The following GRIA4 variants were observed in gnomAD, a reference collection of about 807,000 sequenced individuals.
The protein encoded by GRIA4 is glutamate ionotropic receptor AMPA type subunit 4.
Under a neutral mutation model 104.0 loss-of-function variants are expected in GRIA4, and 34 were observed. That is an observed-to-expected ratio of 0.33 (90% CI 0.25 to 0.44). The LOEUF is 0.44. GRIA4 is among the 20% of genes least tolerant of loss of function. The pLI is 1.00. For missense variants in GRIA4, 750 were observed against 1,096.5 expected (o/e 0.68, Z 4.46); for synonymous variants, 386 against 381.9 (o/e 1.01, Z -0.13).
rs111732627 is a variant in GRIA4, at chr11:105,773,154, T to C, written c.487+19934T>C. ...TTTTTTTAAAAAATTATTGACTTTA[T>C]ACATTAAATGTGCTTTTCTCCGTGT... On this transcript the variant is annotated intron_variant, in intron 4 of 16. Coordinates refer to ENST00000282499, the MANE Select transcript of GRIA4 (RefSeq NM_000829.4). Among the ~76,000 whole-genome samples the C allele has an allele frequency of 9.9e-3, 1,507 of 152,264 alleles. 31 individuals are homozygous for C. The highest frequency in any genetic ancestry group is 0.035 in the African/African-American group (1,445 of 41,556).
At chr11:105,976,920 GAA>G (rs1859010151) in intron 16 of GRIA4, among the ~76,000 whole-genome samples, 1 of 151,902 alleles carries the variant, frequency 6.6e-6, no homozygotes, top group African/African-American at 2.4e-5. Context: ...CAGATTTAAA[GAA>G]AAATAAGTCA....
chr11:105,633,096 A>G (rs1194255553), intron 3 of GRIA4, among the ~76,000 whole-genome samples: 2 of 152,182 alleles, frequency 1.3e-5, no homozygotes, highest in Non-Finnish European at 2.9e-5. Context: ...ATAGTGTGTT[A>G]TGTTTTATTT....
intron 14 of GRIA4, among the ~76,000 whole-genome samples, chr11:105,953,242 GC>G (rs1948500389): frequency 6.6e-6 from 1 of 152,172 alleles, no homozygotes; most frequent in Non-Finnish European, 1.5e-5. Flanking sequence ...TCATTTGACA[GC>G]CTATTGATTC....
intron 1 of GRIA4, 136 bp from the exon 2 acceptor site, chr11:105,610,771 GA>G: frequency 2.0e-6 from 1 of 505,140 alleles, no homozygotes; most frequent in Non-Finnish European, 3.5e-6. Flanking sequence ...GAGACTGCGG[GA>G]AAAATCTGGC....
At chr11:105,805,498 A>T (rs1942915933) in intron 4 of GRIA4, among the ~76,000 whole-genome samples, 1 of 144,072 alleles carries the variant, frequency 6.9e-6, no homozygotes. Context: ...AAAAAAAAAC[A>T]AGCCACAAAA....
At chr11:105,825,535 G>C (rs1943738415) in intron 4 of GRIA4, among the ~76,000 whole-genome samples, 1 of 152,054 alleles carries the variant, frequency 6.6e-6, no homozygotes. Context: ...CCCCAAAATA[G>C]AGACATTAGG....
chr11:105,794,510 T>TATATATAC (rs1555010377), intron 4 of GRIA4, among the ~76,000 whole-genome samples: 14 of 121,644 alleles, frequency 1.2e-4, no homozygotes, highest in South Asian at 1.1e-3. Context: ...TATATATATA[T>TATATATAC]ATACATATAC....
At chr11:105,888,414 G>A (rs529670001) in intron 6 of GRIA4, among the ~76,000 whole-genome samples, 1 of 148,076 alleles carries the variant, frequency 6.8e-6, no homozygotes, top group Non-Finnish European at 1.5e-5. Flanking sequence ...CTCCCAAGTA[G>A]CTGGGACTAC....
Position 105,939,826 on chromosome 11 carries a change from C to A in GRIA4, c.2294+5857C>A, listed in dbSNP as rs538082719. Among the ~76,000 whole-genome samples, 12 of 152,268 alleles carry A rather than the reference C, an allele frequency of 7.9e-5. No homozygotes were observed. In the South Asian group the frequency reaches 2.5e-3, roughly 32 times the overall value. On this transcript the variant is annotated intron_variant, in intron 14 of 16. Transcript: ENST00000282499. The stretch of plus-strand genomic sequence containing the variant: ...GTTTGCACATCATTTGTGTTGGCTT[C>A]TATTCTCCAGATTGACGTTCCTAAA...
chr11:105,721,629 G>A (rs1200113434), intron 3 of GRIA4, among the ~76,000 whole-genome samples: 1 of 152,024 alleles, frequency 6.6e-6, no homozygotes, highest in African/African-American at 2.4e-5. Context: ...GCCCTAGCAG[G>A]GTTTGCAACC....
intron 4 of GRIA4, among the ~76,000 whole-genome samples, chr11:105,766,891 C>T (rs1940971486): frequency 6.6e-6 from 1 of 152,146 alleles, no homozygotes; most frequent in Non-Finnish European, 1.5e-5. Context: ...ATGTTACCTT[C>T]TCAATGTGGC....
At chr11:105,672,996 G>C (rs1422580985) in intron 3 of GRIA4, among the ~76,000 whole-genome samples, 1 of 151,770 alleles carries the variant, frequency 6.6e-6, no homozygotes, top group African/African-American at 2.4e-5. Flanking sequence ...AAATTAGATG[G>C]GATAGCTCAA....
chr11:105,680,421 A>G (rs763525787), intron 3 of GRIA4, among the ~76,000 whole-genome samples: 5 of 152,272 alleles, frequency 3.3e-5, no homozygotes, highest in Admixed American at 6.5e-5. Context: ...TTAATGCCTC[A>G]TAGCTGGCAC....
intron 4 of GRIA4, among the ~76,000 whole-genome samples, chr11:105,844,378 C>T (rs530507916): frequency 6.6e-6 from 1 of 152,282 alleles, no homozygotes; most frequent in South Asian, 2.1e-4. Context: ...CACCATGTTT[C>T]AAGGACCTCT....
At chr11:105,714,776 T>C (rs767362523) in intron 3 of GRIA4, among the ~76,000 whole-genome samples, 77 of 152,106 alleles carry the variant, frequency 5.1e-4, no homozygotes, top group Non-Finnish European at 8.8e-4. Flanking sequence ...TTTAGCCGTT[T>C]TAGGTCTTCA....
At chr11:105,824,160 T>C (rs528901692) in intron 4 of GRIA4, among the ~76,000 whole-genome samples, 1 of 152,232 alleles carries the variant, frequency 6.6e-6, no homozygotes, top group Admixed American at 6.5e-5. Context: ...TGTTTTGTTA[T>C]GGCAGCCTTA....
At chr11:105,896,067 T>C (rs1023209267) in intron 6 of GRIA4, among the ~76,000 whole-genome samples, 2 of 152,188 alleles carry the variant, frequency 1.3e-5, no homozygotes, top group Admixed American at 1.3e-4. Flanking sequence ...TTTTTTCCCT[T>C]TTCTCCACAT....
intron 3 of GRIA4, among the ~76,000 whole-genome samples, chr11:105,655,774 A>G (rs1301470204): frequency 6.6e-6 from 1 of 152,158 alleles, no homozygotes; most frequent in Non-Finnish European, 1.5e-5. Flanking sequence ...GCTACTGTGA[A>G]TAGTGCTGCA....
At chr11:105,641,756 A>G (rs1951366710) in intron 3 of GRIA4, among the ~76,000 whole-genome samples, 1 of 152,206 alleles carries the variant, frequency 6.6e-6, no homozygotes, top group East Asian at 1.9e-4. Context: ...TACTAGGCCC[A>G]AAGCAGTGTT....
Sources: allele counts gnomAD v4.1 joint callset (sites outside exome capture counted in the v4.1 genomes callset), GRCh38; gene constraint gnomAD v4.1.1; transcripts MANE v1.5; gene names NCBI Gene and HGNC (gene_info 2026-07-23, HGNC 2026-07-21).